Variants in RBPJ observed in about 807,000 individuals in gnomAD.
The protein encoded by RBPJ is recombination signal binding protein for immunoglobulin kappa J region, also known as recombining binding protein suppressor of hairless.
A neutral mutation model predicts 67.8 loss-of-function variants in RBPJ; 9 were observed. The observed-to-expected ratio is 0.13, with a 90% CI of 0.08 to 0.23. The LOEUF (loss-of-function observed/expected upper bound fraction) is 0.23. RBPJ is among the 10% of genes least tolerant of loss of function. The pLI is 1.00. For missense variants in RBPJ, 305 were observed against 595.6 expected (o/e 0.51, Z 5.08); for synonymous variants, 198 against 203.3 (o/e 0.97, Z 0.22).
upstream of RBPJ, chr4:26,319,561 GC>G (rs1329216011): frequency 1.5e-5 from 7 of 470,404 alleles, no homozygotes; most frequent in Non-Finnish European, 2.7e-5. Context: ...CACCTGTCCT[GC>G]CTTGGCTCCG....
chr4:26,167,258 C>T (rs1161308274), intron 1 of RBPJ, among the ~76,000 whole-genome samples: 2 of 152,150 alleles, frequency 1.3e-5, no homozygotes, highest in Non-Finnish European at 2.9e-5. Context: ...TGAAGAAAGT[C>T]ATTGGTAGCT....
intron 2 of RBPJ, among the ~76,000 whole-genome samples, chr4:26,389,694 T>C (rs1731303052): frequency 6.6e-6 from 1 of 151,788 alleles, no homozygotes. Flanking sequence ...GCCAATAATA[T>C]TCAACTTTTG....
rs578260165 is a variant in RBPJ, at chr4:26,240,874, G to T, written c.-167+77260G>T. Among the ~76,000 whole-genome samples, 12 of 152,214 alleles carry T rather than the reference G, an allele frequency of 7.9e-5. No individual in the cohort carries two copies. The East Asian group carries it at 2.1e-3, about 27-fold the overall frequency. Reference sequence around the variant, plus strand: ...CTCCAAGTTGAGAAAGGATTCCTGGGGTCATTCCTTATTATGGGCCCTCAT... The same window carrying T: ...CTCCAAGTTGAGAAAGGATTCCTGGTGTCATTCCTTATTATGGGCCCTCAT... On this transcript the variant is annotated intron_variant, in intron 1 of 4. Transcript: ENST00000512351.
rs1736500008 is a variant in RBPJ at position 26,434,493 on chromosome 4, G to T, written c.*3486G>T. 6.6e-6 allele frequency: 1 copy of T among 152,210 alleles called. No individual in the cohort carries two copies. The highest frequency in any genetic ancestry group is 1.5e-5 in the Non-Finnish European group (1 of 68,036). The allele number at this position is 152,210 out of a possible 1,614,324, so 9.4% of individuals were successfully genotyped here. On this transcript the variant is annotated 3_prime_UTR_variant, in exon 11 of 11. Coordinates refer to ENST00000355476, the MANE Select transcript of RBPJ (RefSeq NM_015874.6). ...ACTGAACAAATGTGTGTAATTTTCTGTGCCAGACTTATGACTTTGTTTTCA... is the reference window on the plus strand; with the variant it reads ...ACTGAACAAATGTGTGTAATTTTCTTTGCCAGACTTATGACTTTGTTTTCA...
chr4:26,167,355 A>T (rs1716359852), intron 1 of RBPJ, among the ~76,000 whole-genome samples: 2 of 151,734 alleles, frequency 1.3e-5, no homozygotes, highest in South Asian at 4.2e-4. Context: ...TGAGCATGGA[A>T]TGTTCTTCCA....
At chr4:26,293,213 C>T (rs776400487) in intron 1 of RBPJ, among the ~76,000 whole-genome samples, 1 of 150,606 alleles carries the variant, frequency 6.6e-6, no homozygotes, top group Admixed American at 6.6e-5. Flanking sequence ...TTTTCTTCCT[C>T]AGCTGCAGGC....
At chr4:26,270,865 C>T (rs1236590730) in intron 1 of RBPJ, among the ~76,000 whole-genome samples, 2 of 151,842 alleles carry the variant, frequency 1.3e-5, no homozygotes, top group African/African-American at 2.4e-5. Context: ...GAATAAAATC[C>T]GCCTCCCCCC....
At chr4:26,247,440 C>T (rs1053717886) in intron 1 of RBPJ, among the ~76,000 whole-genome samples, 13 of 151,568 alleles carry the variant, frequency 8.6e-5, no homozygotes, top group East Asian at 7.8e-4. Flanking sequence ...GACGGAGTTT[C>T]GCTCTTGTTG....
At chr4:26,152,965 G>C in the RBPJ span, among the ~76,000 whole-genome samples, 1 of 151,102 alleles carries the variant, frequency 6.6e-6, no homozygotes, top group South Asian at 2.1e-4. Flanking sequence ...GGGATCCAAA[G>C]TGTCTGGGAT....
intron 1 of RBPJ, among the ~76,000 whole-genome samples, chr4:26,279,478 A>G (rs985998763): frequency 2.0e-5 from 3 of 151,900 alleles, no homozygotes; most frequent in Non-Finnish European, 2.9e-5. Context: ...GGCTTTCATC[A>G]TGTTGGCCAC....
intron 1 of RBPJ, among the ~76,000 whole-genome samples, chr4:26,371,780 A>T (rs931042776): frequency 2.6e-5 from 4 of 152,250 alleles, no homozygotes; most frequent in Middle Eastern, 3.2e-3. Context: ...TTTCTTTGAA[A>T]CATTAAATAA....
chr4:26,218,648 G>A (rs949561649), intron 1 of RBPJ, among the ~76,000 whole-genome samples: 3 of 152,146 alleles, frequency 2.0e-5, no homozygotes, highest in African/African-American at 7.2e-5. Flanking sequence ...CAAGGGCTGG[G>A]CCTTTCTTTT....
chr4:26,344,317 C>A (rs894715581), intron 1 of RBPJ, among the ~76,000 whole-genome samples: 1 of 152,164 alleles, frequency 6.6e-6, no homozygotes, highest in South Asian at 2.1e-4. Flanking sequence ...TCACTGCAAG[C>A]TCTGCCTCCC....
At chr4:26,388,363 T>G (rs1166389970) in intron 2 of RBPJ, among the ~76,000 whole-genome samples, 1 of 152,172 alleles carries the variant, frequency 6.6e-6, no homozygotes, top group African/African-American at 2.4e-5. Flanking sequence ...CTGGGAAACT[T>G]TAAAGAGTCA....
At chr4:26,202,059 G>A (rs906397487) in intron 1 of RBPJ, among the ~76,000 whole-genome samples, 1 of 151,982 alleles carries the variant, frequency 6.6e-6, no homozygotes, top group African/African-American at 2.4e-5. Flanking sequence ...CCTTTTTCTG[G>A]CTGCTTCTTC....
At chr4:26,131,780 T>C in the RBPJ span, among the ~76,000 whole-genome samples, 8 of 152,202 alleles carry the variant, frequency 5.3e-5, no homozygotes, top group Non-Finnish European at 1.2e-4. Context: ...GACTTGCGGC[T>C]TCCCAAGCTG....
the RBPJ span, among the ~76,000 whole-genome samples, chr4:26,116,627 AG>A: frequency 6.6e-6 from 1 of 152,154 alleles, no homozygotes; most frequent in Non-Finnish European, 1.5e-5. Flanking sequence ...CTATAGCAAA[AG>A]CTTCTTATGC....
chr4:26,288,264 T>C (rs1342783433), intron 1 of RBPJ, among the ~76,000 whole-genome samples: 1 of 152,196 alleles, frequency 6.6e-6, no homozygotes, highest in Non-Finnish European at 1.5e-5. Flanking sequence ...ATAAAGGGAT[T>C]GTAGTCAAGA....
chr4:26,316,699 A>ATATATATATACACACATTGTG (rs1722658666), upstream of RBPJ, among the ~76,000 whole-genome samples: 1 of 136,592 alleles, frequency 7.3e-6, no homozygotes, highest in Admixed American at 7.3e-5. Context: ...CATATTGTGT[A>ATATATATATACACACATTGTG]TATATATATA....
Sources: gnomAD v4.1 joint callset for allele counts (sites outside exome capture counted in the v4.1 genomes callset) on GRCh38, gnomAD v4.1.1 for gene constraint, MANE v1.5 for transcripts, NCBI Gene and HGNC (gene_info 2026-07-23, HGNC 2026-07-21) for gene names.